The following MGLL variants were observed in gnomAD, a reference collection of about 807,000 sequenced individuals.
The protein encoded by MGLL is lysophospholipase homolog.
A neutral mutation model predicts 29.1 loss-of-function variants in MGLL; 7 were observed. The observed-to-expected ratio is 0.24, with a 90% CI of 0.14 to 0.45. MGLL has a LOEUF of 0.45. Among genes scored for constraint, MGLL ranks in the 20% least tolerant of loss-of-function variants. MGLL has a pLI of 0.99. For synonymous variants in MGLL, 148 were observed against 168.3 expected, an observed-to-expected ratio of 0.88 and a Z score of 0.93; for missense variants, 356 against 413.6, an observed-to-expected ratio of 0.86 and a Z score of 1.21.
intron 3 of MGLL, among the ~76,000 whole-genome samples, chr3:127,730,368 G>A (rs1312077357): frequency 6.6e-6 from 1 of 152,152 alleles, no homozygotes; most frequent in Non-Finnish European, 1.5e-5. Context: ...CTCCCAGGAA[G>A]GCTTCTACTT....
chr3:127,822,064 A>G (rs1377031182), intron 1 of MGLL: 2 of 653,792 alleles, frequency 3.1e-6, no homozygotes, highest in Admixed American at 3.1e-5. Context: ...TAAGTGCCTC[A>G]TTACAGTTTT....
chr3:127,758,733 T>C (rs774927448), intron 3 of MGLL, among the ~76,000 whole-genome samples: 10 of 152,162 alleles, frequency 6.6e-5, no homozygotes, highest in Non-Finnish European at 1.2e-4. Flanking sequence ...AGATATGTGT[T>C]ATAAAAAACA....
intron 3 of MGLL, among the ~76,000 whole-genome samples, chr3:127,777,598 A>G (rs577762523): frequency 6.7e-6 from 1 of 149,976 alleles, no homozygotes; most frequent in Admixed American, 6.9e-5. Flanking sequence ...GGCTGGAGGT[A>G]GTGCCCACAC....
chr3:127,813,792 A>C (rs1185269480), intron 2 of MGLL, among the ~76,000 whole-genome samples: 3 of 152,196 alleles, frequency 2.0e-5, no homozygotes, highest in Middle Eastern at 3.4e-3. Context: ...AAAAGTGTAC[A>C]TACCCCTTTG....
intron 6 of MGLL, among the ~76,000 whole-genome samples, chr3:127,701,425 C>T (rs11917190): frequency 0.15 from 22,106 of 152,092 alleles, 2,014 homozygotes; most frequent in East Asian, 0.29. Flanking sequence ...AGAGGGCTCA[C>T]GGCATTGGGT....
intron 2 of MGLL, among the ~76,000 whole-genome samples, chr3:127,791,813 G>A (rs2077304900): frequency 6.6e-6 from 1 of 152,230 alleles, no homozygotes; most frequent in African/African-American, 2.4e-5. Flanking sequence ...ACTTAAACCT[G>A]TAATCCCAGC....
intron 5 of MGLL, among the ~76,000 whole-genome samples, chr3:127,719,028 A>T (rs2075869118): frequency 6.6e-6 from 1 of 152,182 alleles, no homozygotes; most frequent in South Asian, 2.1e-4. Context: ...TGGGCCCTCA[A>T]GTCTGGGGCA....
In MGLL at chr3:127,748,472, G is replaced by A. The variant is rs532842384; in HGVS notation, c.263-25906C>T. 4.0e-5 allele frequency among the ~76,000 whole-genome samples: 6 copies of A among 151,890 alleles called. No homozygotes were observed. In the East Asian group the frequency reaches 7.7e-4, roughly 20 times the overall value. On this transcript the variant is annotated intron_variant, in intron 3 of 7. Transcript: ENST00000265052. ...AGATATTCCTATCTTGGTGTTATGG[G>A]CTGAGCTGTTTCCCCAGATTCACAG... is the stretch of plus-strand genomic sequence containing the variant.
intron 3 of MGLL, among the ~76,000 whole-genome samples, chr3:127,770,079 T>C (rs564136303): frequency 6.6e-6 from 1 of 152,362 alleles, no homozygotes; most frequent in South Asian, 2.1e-4. Flanking sequence ...CAGAGAATTC[T>C]AGAAGTGGAA....
At position 127,783,003 on chromosome 3, in the gene MGLL, C is replaced by T. The variant is rs902550773; in HGVS notation, c.156-1108G>A. ...CAGCTTGGCCAACATGGTGAAACTC[C>T]GTCACTATAAAAAGTACAAAAATTA... On this transcript the variant is annotated intron_variant, in intron 2 of 7. Transcript: ENST00000265052. Among the ~76,000 whole-genome samples, 15 of 151,874 alleles carry T rather than the reference C, an allele frequency of 9.9e-5. 1 individual carries two copies. The East Asian group carries it at 1.2e-3, about 12-fold the overall frequency.
chr3:127,715,920 C>T (rs540669574), intron 5 of MGLL: 1 of 434,698 alleles, frequency 2.3e-6, no homozygotes, highest in East Asian at 7.0e-5. Context: ...TTTCAAAATC[C>T]TCGAATAGTC....
chr3:127,691,870 A>T lies in MGLL; in HGVS notation c.*328T>A. ...GTCTGGTGTCCTGGGAACACCAGGAATTCCTGGAACCCTTGTGGGAGCTGG... is the reference window on the plus strand; with the variant it reads ...GTCTGGTGTCCTGGGAACACCAGGATTTCCTGGAACCCTTGTGGGAGCTGG... On this transcript the variant is annotated 3_prime_UTR_variant, in exon 8 of 8. Coordinates refer to ENST00000265052, the MANE Select transcript of MGLL (RefSeq NM_007283.7). The T allele has an allele frequency of 2.9e-6, 1 of 345,170 alleles. No homozygotes were observed. 21.4% of individuals were successfully genotyped at this position (345,170 alleles called of 1,614,324 possible).
intron 3 of MGLL, among the ~76,000 whole-genome samples, chr3:127,727,689 G>A (rs947099289): frequency 3.2e-5 from 4 of 124,988 alleles, no homozygotes; most frequent in African/African-American, 1.1e-4. Flanking sequence ...TCCAGCCTGG[G>A]CAACAGAGCA....
At chr3:127,708,298 C>A (rs183823408) in intron 6 of MGLL, among the ~76,000 whole-genome samples, 3 of 152,196 alleles carry the variant, frequency 2.0e-5, no homozygotes, top group Non-Finnish European at 4.4e-5. Flanking sequence ...TGCAGTCCAG[C>A]CTTGGGGCTG....
chr3:127,724,917 G>A (rs548363018), intron 3 of MGLL, among the ~76,000 whole-genome samples: 22 of 152,064 alleles, frequency 1.4e-4, no homozygotes, highest in Non-Finnish European at 2.5e-4. Flanking sequence ...GGCCCTCTAC[G>A]TTGGAAGCAT....
chr3:127,714,960 C>T (rs556656063), intron 5 of MGLL, among the ~76,000 whole-genome samples: 4 of 152,212 alleles, frequency 2.6e-5, no homozygotes, highest in Non-Finnish European at 5.9e-5. Flanking sequence ...CCCAGGGCCT[C>T]CCTGCTCAGT....
rs540724413 is a variant in MGLL, at chr3:127,808,019, CA to C, written c.155+13674del. Among the ~76,000 whole-genome samples, 27 of 152,174 alleles carry C rather than the reference CA, an allele frequency of 1.8e-4. No homozygotes were observed. In the East Asian group the frequency reaches 4.6e-3, roughly 26 times the overall value. The stretch of plus-strand genomic sequence containing the variant: ...TCGTGATCCACCCGCCTCGGCCTCC[CA>C]AAGTGCTGAGATTACAGGCGTGAGC... On this transcript the variant is annotated intron_variant, in intron 2 of 7. Coordinates refer to ENST00000265052, the MANE Select transcript of MGLL (RefSeq NM_007283.7).
chr3:127,761,137 C>A lies in MGLL; in HGVS notation c.262+20652G>T, dbSNP rs1476403950. On this transcript the variant is annotated intron_variant, in intron 3 of 7. Coordinates refer to ENST00000265052, the MANE Select transcript of MGLL (RefSeq NM_007283.7). This position sits in a 1 kb window ranked among gnomAD's most constrained non-coding sequence, Gnocchi z 4.6. ...TGAGCAGCTGCTATGAGCAAGGTGC[C>A]ACACAGATGCGGAGAGCAGAGGCCC... Among the ~76,000 whole-genome samples the A allele has an allele frequency of 2.6e-5, 4 of 152,206 alleles. No homozygotes were observed. Among genetic ancestry groups the A allele is most frequent in the Non-Finnish European group, 4.4e-5 (3 of 68,038 alleles).
At chr3:127,733,217 G>A (rs929608439) in intron 3 of MGLL, among the ~76,000 whole-genome samples, 3 of 152,118 alleles carry the variant, frequency 2.0e-5, no homozygotes, top group African/African-American at 2.4e-5. Flanking sequence ...TCTCAACAGC[G>A]CCATGACAGT....
Sources: gnomAD v4.1 joint callset for allele counts (sites outside exome capture counted in the v4.1 genomes callset) on GRCh38, gnomAD v4.1.1 for gene constraint, Gnocchi (gnomAD v3.1) non-coding constraint, MANE v1.5 for transcripts, NCBI Gene and HGNC (gene_info 2026-07-23, HGNC 2026-07-21) for gene names.